The following ATOSA variants were observed in gnomAD, a reference collection of about 807,000 sequenced individuals.
ATOSA encodes atos homolog A.
the ATOSA span, chr15:52,605,328 C>G: frequency 1.0e-6 from 1 of 956,386 alleles, no homozygotes; most frequent in Non-Finnish European, 1.6e-6. Flanking sequence ...TTTTTAGACT[C>G]ATTCCTAATA....
the ATOSA span, among the ~76,000 whole-genome samples, chr15:52,693,588 CA>C: frequency 1.3e-5 from 2 of 152,068 alleles, no homozygotes; most frequent in African/African-American, 4.8e-5. Flanking sequence ...ACCATACTAT[CA>C]CTTAGAAATA....
At chr15:52,611,565 A>C in the ATOSA span, 1 of 1,613,304 alleles carries the variant, frequency 6.2e-7, no homozygotes, top group Non-Finnish European at 8.5e-7. Flanking sequence ...AACTACGTTC[A>C]ACAACTTACT....
the ATOSA span, among the ~76,000 whole-genome samples, chr15:52,667,872 C>T: frequency 2.4e-4 from 36 of 152,186 alleles, no homozygotes; most frequent in Non-Finnish European, 4.1e-4. Context: ...AACCTTACTC[C>T]GGTTAGAATG....
At chr15:52,668,906 A>C in the ATOSA span, among the ~76,000 whole-genome samples, 2 of 148,778 alleles carry the variant, frequency 1.3e-5, no homozygotes, top group Non-Finnish European at 3.0e-5. Flanking sequence ...GTGGGTTTGA[A>C]ATTTTTTTTT....
the ATOSA span, among the ~76,000 whole-genome samples, chr15:52,640,571 CAAAAAAAAAAAAAAAA>C: frequency 4.0e-4 from 11 of 27,564 alleles, no homozygotes; most frequent in African/African-American, 6.7e-4. Flanking sequence ...ACTCAAGTCT[CAAAAAAAAAAAAAAAA>C]AAAAAAAAAA....
At chr15:52,584,608 G>C in the ATOSA span, 1 of 691,730 alleles carries the variant, frequency 1.4e-6, no homozygotes, top group South Asian at 2.0e-5. Context: ...TCGGCATCTT[G>C]GCACATCATC....
At chr15:52,669,854 A>G in the ATOSA span, among the ~76,000 whole-genome samples, 28 of 152,330 alleles carry the variant, frequency 1.8e-4, no homozygotes, top group Non-Finnish European at 3.7e-4. Context: ...GGGTCATGGA[A>G]GCAGAAGGGC....
chr15:52,617,464 C>G, the ATOSA span, among the ~76,000 whole-genome samples: 1 of 152,034 alleles, frequency 6.6e-6, no homozygotes, highest in African/African-American at 2.4e-5. Flanking sequence ...TTTATGGCAG[C>G]CTGAGCACAC....
At chr15:52,709,484 T>G in the ATOSA span, among the ~76,000 whole-genome samples, 1 of 152,190 alleles carries the variant, frequency 6.6e-6, no homozygotes, top group African/African-American at 2.4e-5. Flanking sequence ...AACTACAAGG[T>G]GCAGAGTATT....
chr15:52,675,157 A>AT, the ATOSA span, among the ~76,000 whole-genome samples: 8 of 152,088 alleles, frequency 5.3e-5, no homozygotes, highest in South Asian at 8.3e-4. Flanking sequence ...CTTAAAATTA[A>AT]TTTTTTTTAC....
At chr15:52,630,912 A>G in the ATOSA span, among the ~76,000 whole-genome samples, 3 of 152,234 alleles carry the variant, frequency 2.0e-5, no homozygotes, top group African/African-American at 4.8e-5. Flanking sequence ...CTATTTGCAT[A>G]AAAGTTTAAA....
chr15:52,686,977 T>C, the ATOSA span, among the ~76,000 whole-genome samples: 1 of 152,258 alleles, frequency 6.6e-6, no homozygotes, highest in Non-Finnish European at 1.5e-5. Flanking sequence ...CTGTATAATA[T>C]AAGTTTAATT....
chr15:52,707,968 C>T, the ATOSA span, among the ~76,000 whole-genome samples: 1 of 152,162 alleles, frequency 6.6e-6, no homozygotes, highest in African/African-American at 2.4e-5. Flanking sequence ...GTCTCAAATC[C>T]ACACCATTCC....
At chr15:52,685,775 T>G in the ATOSA span, among the ~76,000 whole-genome samples, 8 of 152,182 alleles carry the variant, frequency 5.3e-5, no homozygotes, top group Non-Finnish European at 1.2e-4. Flanking sequence ...GTGGAGTATC[T>G]TAGCTCATTG....
chr15:52,588,090 T>C, the ATOSA span, among the ~76,000 whole-genome samples: 272 of 152,290 alleles, frequency 1.8e-3, 1 homozygote, highest in East Asian at 0.025. Context: ...CCAGTTAGTT[T>C]GGTACTCAAA....
the ATOSA span, among the ~76,000 whole-genome samples, chr15:52,696,245 A>T: frequency 6.6e-6 from 1 of 151,036 alleles, no homozygotes; most frequent in African/African-American, 2.4e-5. Flanking sequence ...ACCTCAGTGA[A>T]CTCCTCTAGC....
chr15:52,633,131 C>T, the ATOSA span, among the ~76,000 whole-genome samples: 1 of 152,096 alleles, frequency 6.6e-6, no homozygotes, highest in African/African-American at 2.4e-5. Flanking sequence ...CAGGTTGGGC[C>T]TGTATACATA....
At chr15:52,641,572 T>C in the ATOSA span, among the ~76,000 whole-genome samples, 1 of 152,214 alleles carries the variant, frequency 6.6e-6, no homozygotes, top group Non-Finnish European at 1.5e-5. Flanking sequence ...CAAGAAAGAA[T>C]ATCCACCAGT....
the ATOSA span, among the ~76,000 whole-genome samples, chr15:52,665,868 G>C: frequency 6.6e-6 from 1 of 152,066 alleles, no homozygotes. Context: ...GCAAAAGTTA[G>C]CTATACGACC....
Sources: gnomAD v4.1 joint callset for allele counts (sites outside exome capture counted in the v4.1 genomes callset) on GRCh38, gnomAD v4.1.1 for gene constraint, MANE v1.5 for transcripts, NCBI Gene and HGNC (gene_info 2026-07-23, HGNC 2026-07-21) for gene names.